The following SEC11A variants were observed in gnomAD, a reference collection of about 807,000 sequenced individuals.
The protein encoded by SEC11A is signal peptidase complex catalytic subunit SEC11A.
In SEC11A, 14 loss-of-function variants were observed where a neutral mutation model predicts 25.6. The observed-to-expected ratio is 0.55, with a 90% CI of 0.36 to 0.85. The LOEUF is 0.85. Ranked by LOEUF, SEC11A falls within the 40% of genes least tolerant of loss-of-function variation. The pLI is 0.01. For synonymous variants in SEC11A, 83 were observed against 76.4 expected (o/e 1.09, Z -0.45); for missense variants, 153 against 222.9 (o/e 0.69, Z 2.00).
At chr15:84,703,004 T>C (rs1001589172) in intron 1 of SEC11A, among the ~76,000 whole-genome samples, 3 of 152,196 alleles carry the variant, frequency 2.0e-5, no homozygotes, top group Admixed American at 6.6e-5. Context: ...AGTACCCACG[T>C]GACTCAGAAG....
intron 1 of SEC11A, among the ~76,000 whole-genome samples, chr15:84,705,810 G>A (rs141443379): frequency 0.015 from 2,312 of 151,406 alleles, 65 homozygotes; most frequent in African/African-American, 0.052. Context: ...AGCCGAGATC[G>A]CACCACTGCA....
intron 3 of SEC11A, among the ~76,000 whole-genome samples, chr15:84,683,360 T>C (rs888314690): frequency 6.6e-6 from 1 of 151,768 alleles, no homozygotes; most frequent in Non-Finnish European, 1.5e-5. Flanking sequence ...ATCTGGACTA[T>C]TACCAAAGAC....
In SEC11A at chr15:84,692,055, G is replaced by A. The variant is rs528600121; in HGVS notation, c.52-411C>T. ...TTTTTTTTTTTTGAGATGGAGCCTC[G>A]CTCTTGCTCAGTCACCCAGGCTGGA... On this transcript the variant is annotated intron_variant, in intron 1 of 5. Coordinates refer to ENST00000268220, the MANE Select transcript of SEC11A (RefSeq NM_014300.4). 7.1e-5 allele frequency: 9 copies of A among 127,368 alleles called. No homozygotes were observed. In the East Asian group the frequency reaches 9.2e-4, roughly 13 times the overall value. 7.9% of individuals were successfully genotyped at this position (127,368 alleles called of 1,614,324 possible).
rs984674421 is a variant in SEC11A at position 84,681,896 on chromosome 15, T to A, written c.312-1064A>T. On this transcript the variant is annotated intron_variant, in intron 3 of 5. Coordinates refer to ENST00000268220, the MANE Select transcript of SEC11A (RefSeq NM_014300.4). The stretch of plus-strand genomic sequence containing the variant: ...GAGTTCAAGACCAACCTGGGCAACA[T>A]GGCAAAGCAAAAAATACAAAAAAAT... Among the ~76,000 whole-genome samples the A allele has an allele frequency of 2.6e-5, 4 of 152,194 alleles. No individual in the cohort carries two copies. The East Asian group carries it at 7.7e-4, about 29-fold the overall frequency.
intron 1 of SEC11A, among the ~76,000 whole-genome samples, chr15:84,710,821 C>T (rs1898238416): frequency 6.6e-6 from 1 of 152,100 alleles, no homozygotes; most frequent in Non-Finnish European, 1.5e-5. Context: ...TTGAAAAACA[C>T]ACATATCTTT....
intron 4 of SEC11A, chr15:84,673,367 A>C (rs1428553186): frequency 2.6e-5 from 5 of 189,608 alleles, no homozygotes; most frequent in Non-Finnish European, 2.1e-5. Context: ...GTCTGTGTAG[A>C]AAGAAGTAGA....
In SEC11A at chr15:84,685,515, C is replaced by G. The variant is rs867092800; in HGVS notation, c.311+2110G>C. 2.0e-5 allele frequency among the ~76,000 whole-genome samples: 3 copies of G among 151,840 alleles called. No homozygotes were observed. The South Asian group carries it at 6.2e-4, about 32-fold the overall frequency. On this transcript the variant is annotated intron_variant, in intron 3 of 5. Transcript: ENST00000268220. ...TCTAGAGCTCCTGCGCTCAAGCACTCCACCCGCCTCAGCCTCCCAAAGGGC... is the reference window on the plus strand; with the variant it reads ...TCTAGAGCTCCTGCGCTCAAGCACTGCACCCGCCTCAGCCTCCCAAAGGGC...
intron 1 of SEC11A, among the ~76,000 whole-genome samples, chr15:84,707,629 GCTCA>G (rs1898136199): frequency 6.6e-6 from 1 of 152,070 alleles, no homozygotes; most frequent in Non-Finnish European, 1.5e-5. Context: ...GGATTCTACA[GCTCA>G]CTTTCTTCCT....
At chr15:84,700,617 A>C (rs1897904778) in intron 1 of SEC11A, among the ~76,000 whole-genome samples, 1 of 69,894 alleles carries the variant, frequency 1.4e-5, no homozygotes, top group Non-Finnish European at 4.0e-5. Context: ...AAAAAAAAAA[A>C]AAAAAAAAAA....
At chr15:84,712,624 T>C (rs2141931042) in intron 1 of SEC11A, among the ~76,000 whole-genome samples, 1 of 151,974 alleles carries the variant, frequency 6.6e-6, no homozygotes, top group East Asian at 1.9e-4. Context: ...ATTTTTGTAT[T>C]TTTAGTAGAG....
At chr15:84,687,513 A>C in intron 3 of SEC11A, 112 bp downstream of exon 3, 1 of 745,468 alleles carries the variant, frequency 1.3e-6, no homozygotes, top group Non-Finnish European at 2.0e-6. Context: ...ATGGACTGGA[A>C]GAAGGCCTAG....
At chr15:84,700,769 T>C (rs1340876266) in intron 1 of SEC11A, among the ~76,000 whole-genome samples, 1 of 150,320 alleles carries the variant, frequency 6.7e-6, no homozygotes, top group Non-Finnish European at 1.5e-5. Flanking sequence ...TAACCTGAGG[T>C]TGGGAATTTG....
intron 1 of SEC11A, among the ~76,000 whole-genome samples, chr15:84,694,470 T>C (rs1897700472): frequency 1.3e-5 from 2 of 152,172 alleles, no homozygotes; most frequent in African/African-American, 4.8e-5. Flanking sequence ...CCTTTTTAAA[T>C]CAATTGTTAT....
At chr15:84,701,332 T>C (rs1339852760) in intron 1 of SEC11A, among the ~76,000 whole-genome samples, 1 of 151,352 alleles carries the variant, frequency 6.6e-6, no homozygotes, top group East Asian at 2.0e-4. Flanking sequence ...AATAATTTTT[T>C]TTTTGAGATG....
At chr15:84,695,093 A>T (rs1222426946) in intron 1 of SEC11A, among the ~76,000 whole-genome samples, 2 of 95,034 alleles carry the variant, frequency 2.1e-5, no homozygotes, top group Non-Finnish European at 5.7e-5. Context: ...CCATCTAAAA[A>T]AAAAAAAAAA....
At chr15:84,701,834 C>A (rs975746505) in intron 1 of SEC11A, among the ~76,000 whole-genome samples, 5 of 151,880 alleles carry the variant, frequency 3.3e-5, no homozygotes, top group African/African-American at 1.2e-4. Context: ...CATTGGGAGG[C>A]CAAGGTGGGC....
intron 4 of SEC11A, 24 bp from the exon 5 acceptor site, chr15:84,670,806 A>C (rs1896963659): frequency 9.0e-6 from 11 of 1,221,940 alleles, no homozygotes; most frequent in Non-Finnish European, 1.3e-5. Flanking sequence ...AAAACTGATT[A>C]TCACAGAATT....
At chr15:84,678,693 T>A (rs544180920) in intron 4 of SEC11A, among the ~76,000 whole-genome samples, 8 of 152,294 alleles carry the variant, frequency 5.3e-5, no homozygotes, top group Admixed American at 2.6e-4. Context: ...TATGTTTGTA[T>A]AAATATGTAC....
At chr15:84,672,889 T>C in intron 4 of SEC11A, 1 of 190,608 alleles carries the variant, frequency 5.2e-6, no homozygotes, top group Non-Finnish European at 1.1e-5. Context: ...CCGTCTGGGA[T>C]GTGAGGAGCG....
Sources: allele counts gnomAD v4.1 joint callset (sites outside exome capture counted in the v4.1 genomes callset), GRCh38; gene constraint gnomAD v4.1.1; transcripts MANE v1.5; gene names NCBI Gene and HGNC (gene_info 2026-07-23, HGNC 2026-07-21).